The following AUTS2 variants were observed in gnomAD, a reference collection of about 807,000 sequenced individuals.
AUTS2 encodes the protein autism susceptibility gene 2 protein.
A neutral mutation model predicts 112.4 loss-of-function variants in AUTS2; 17 were observed. The ratio of observed to expected loss-of-function variants is 0.15; its 90% CI spans 0.10 to 0.23. The LOEUF is 0.23. AUTS2 is among the 10% of genes least tolerant of loss of function. The pLI is 1.00. For synonymous variants in AUTS2, 751 were observed against 702.7 expected, an observed-to-expected ratio of 1.07 and a Z score of -1.09; for missense variants, 1,510 against 1,701.6, an observed-to-expected ratio of 0.89 and a Z score of 1.98.
chr7:70,699,809 A>G (rs910378399), intron 6 of AUTS2, among the ~76,000 whole-genome samples: 30 of 152,214 alleles, frequency 2.0e-4, no homozygotes, highest in African/African-American at 7.0e-4. Context: ...TGTGCCATTC[A>G]TAGCATACAG....
intron 4 of AUTS2, among the ~76,000 whole-genome samples, chr7:70,383,921 G>T (rs1330405513): frequency 3.9e-5 from 6 of 152,182 alleles, no homozygotes; most frequent in South Asian, 4.1e-4. Context: ...TCTGTACATT[G>T]TTCCTATCCA....
rs748341557 is a variant in AUTS2, at chr7:69,599,974, C to A, written c.309+12C>A. On this transcript the variant is annotated intron_variant, in intron 1 of 18. Transcript: ENST00000342771. The surrounding 1 kb of genome is among the most constrained non-coding windows in gnomAD (Gnocchi z 7.0). ...TTGAAGCGCTGGAGGTAAGGGGGAC[C>A]CCCCTTCCCCCGGGTTCCCTTTATG... 2 of 1,606,816 alleles carry A rather than the reference C, an allele frequency of 1.2e-6. No individual in the cohort carries two copies. Among genetic ancestry groups the A allele is most frequent in the East Asian group, 4.5e-5 (2 of 44,798 alleles).
chr7:70,392,667 T>G (rs1390807335), intron 4 of AUTS2, among the ~76,000 whole-genome samples: 1 of 152,236 alleles, frequency 6.6e-6, no homozygotes, highest in Non-Finnish European at 1.5e-5. Context: ...TAACATATTT[T>G]GAAAACCAAC....
At chr7:69,675,467 T>G (rs1796516409) in intron 1 of AUTS2, among the ~76,000 whole-genome samples, 1 of 151,748 alleles carries the variant, frequency 6.6e-6, no homozygotes, top group South Asian at 2.1e-4. Flanking sequence ...AATACTGTAC[T>G]GTGCTGTGAT....
intron 6 of AUTS2, among the ~76,000 whole-genome samples, chr7:70,738,607 C>A (rs1398829544): frequency 6.6e-6 from 1 of 152,104 alleles, no homozygotes; most frequent in East Asian, 1.9e-4. Context: ...GTGAGCTCCA[C>A]TGTGAGCTGC....
chr7:70,772,959 A>G (rs779743961), intron 11 of AUTS2, among the ~76,000 whole-genome samples: 5 of 152,246 alleles, frequency 3.3e-5, no homozygotes, highest in Non-Finnish European at 5.9e-5. Flanking sequence ...TCCCTCGCTC[A>G]CAATTATCCA....
At chr7:70,600,957 G>A (rs545325137) in intron 5 of AUTS2, among the ~76,000 whole-genome samples, 1 of 152,244 alleles carries the variant, frequency 6.6e-6, no homozygotes, top group East Asian at 1.9e-4. Flanking sequence ...CTACTGTTTG[G>A]TTATTGTGAA....
intron 4 of AUTS2, among the ~76,000 whole-genome samples, chr7:70,189,333 C>A (rs1809764346): frequency 6.6e-6 from 1 of 152,174 alleles, no homozygotes; most frequent in Admixed American, 6.5e-5. Flanking sequence ...TGGATAAGCC[C>A]AACTCCCTAC....
chr7:70,405,202 A>G (rs1794481208), intron 4 of AUTS2, among the ~76,000 whole-genome samples: 1 of 152,206 alleles, frequency 6.6e-6, no homozygotes, highest in South Asian at 2.1e-4. Flanking sequence ...AAGACAAGCA[A>G]TTGATGTTGT....
Position 70,762,856 on chromosome 7 carries a change from T to C in AUTS2, c.743-14T>C, listed in dbSNP as rs1186408219. On this transcript the variant is annotated splice_polypyrimidine_tract_variant and intron_variant, in intron 6 of 18. Coordinates refer to ENST00000342771, the MANE Select transcript of AUTS2 (RefSeq NM_015570.4). Reference sequence around the variant, plus strand: ...TCATTGCCTGTGGTTTTGTCTTTGCTCTCTCCCATGCAGATCCGGAGTTAG... The same window carrying C: ...TCATTGCCTGTGGTTTTGTCTTTGCCCTCTCCCATGCAGATCCGGAGTTAG... 1.3e-6 allele frequency: 2 copies of C among 1,590,772 alleles called. No individual in the cohort carries two copies. Among genetic ancestry groups the C allele is most frequent in the Middle Eastern group, 3.6e-4 (2 of 5,530 alleles).
intron 2 of AUTS2, among the ~76,000 whole-genome samples, chr7:69,985,610 A>G (rs1798478102): frequency 6.6e-6 from 1 of 152,148 alleles, no homozygotes; most frequent in African/African-American, 2.4e-5. Flanking sequence ...CTGTCCATCT[A>G]GGTCCTCAGG....
intron 1 of AUTS2, among the ~76,000 whole-genome samples, chr7:69,703,002 AAAAT>A (rs1797887413): frequency 6.6e-6 from 1 of 152,212 alleles, no homozygotes; most frequent in Non-Finnish European, 1.5e-5. Context: ...AGGTTGGTGC[AAAAT>A]AATTGAAGTT....
chr7:70,318,036 G>A (rs1585011992), intron 4 of AUTS2, among the ~76,000 whole-genome samples: 1 of 152,138 alleles, frequency 6.6e-6, no homozygotes, highest in East Asian at 1.9e-4. Flanking sequence ...GTTGGATCAT[G>A]GCTCTTATTC....
intron 1 of AUTS2, among the ~76,000 whole-genome samples, chr7:69,734,443 A>G (rs927253916): frequency 6.6e-6 from 1 of 150,960 alleles, no homozygotes; most frequent in Non-Finnish European, 1.5e-5. Flanking sequence ...CAAAGTAAAT[A>G]GATGAAATTT....
chr7:69,654,192 A>G (rs999455216), intron 1 of AUTS2, among the ~76,000 whole-genome samples: 2 of 152,168 alleles, frequency 1.3e-5, no homozygotes, highest in Non-Finnish European at 2.9e-5. Flanking sequence ...CCAATTCTTC[A>G]TAAGCCCACT....
intron 1 of AUTS2, among the ~76,000 whole-genome samples, chr7:69,714,710 A>T (rs528508367): frequency 1.3e-5 from 2 of 152,254 alleles, no homozygotes; most frequent in South Asian, 4.1e-4. Context: ...TTTCCATAGA[A>T]ATTTTAGAAT....
At chr7:70,417,996 G>T (rs961025759) in intron 4 of AUTS2, among the ~76,000 whole-genome samples, 1 of 152,090 alleles carries the variant, frequency 6.6e-6, no homozygotes, top group Non-Finnish European at 1.5e-5. Context: ...GGACCTCCCT[G>T]GGATTGGGGT....
chr7:69,808,655 C>T (rs1234681729), intron 1 of AUTS2, among the ~76,000 whole-genome samples: 1 of 152,170 alleles, frequency 6.6e-6, no homozygotes, highest in African/African-American at 2.4e-5. Context: ...GAGCCCCACT[C>T]TAATGTAGCC....
chr7:69,782,983 G>C (rs975129500), intron 1 of AUTS2, among the ~76,000 whole-genome samples: 1 of 151,614 alleles, frequency 6.6e-6, no homozygotes, highest in Non-Finnish European at 1.5e-5. Flanking sequence ...CCTCTTACTC[G>C]TACCCAAATC....
Sources: gnomAD v4.1 joint callset for allele counts (sites outside exome capture counted in the v4.1 genomes callset) on GRCh38, gnomAD v4.1.1 for gene constraint, Gnocchi (gnomAD v3.1) non-coding constraint, MANE v1.5 for transcripts, NCBI Gene and HGNC (gene_info 2026-07-23, HGNC 2026-07-21) for gene names.